LRRC3B: variants seen among roughly 807,000 people sequenced by gnomAD.
The protein encoded by LRRC3B is leucine rich repeat containing 3B, also known as leucine-rich repeat-containing protein 3B.
Under a neutral mutation model 12.8 loss-of-function variants are expected in LRRC3B, and 2 were observed. The observed-to-expected ratio is 0.16, with a 90% CI of 0.06 to 0.49. LRRC3B has a LOEUF of 0.49. Ranked by LOEUF, LRRC3B falls within the 20% of genes least tolerant of loss-of-function variation. The pLI, the probability that LRRC3B is intolerant of heterozygous loss-of-function variation, is 0.96. For missense variants in LRRC3B, 189 were observed against 319.4 expected, an observed-to-expected ratio of 0.59 and a Z score of 3.11; for synonymous variants, 132 against 122.0, an observed-to-expected ratio of 1.08 and a Z score of -0.54.
chr3:26,661,151 C>T (rs1699483807), intron 1 of LRRC3B, among the ~76,000 whole-genome samples: 1 of 152,182 alleles, frequency 6.6e-6, no homozygotes, highest in African/African-American at 2.4e-5. Flanking sequence ...AACACTTGCA[C>T]ACACACATAT....
intron 1 of LRRC3B, among the ~76,000 whole-genome samples, chr3:26,693,549 G>A (rs965672900): frequency 1.3e-5 from 2 of 152,080 alleles, no homozygotes; most frequent in African/African-American, 4.8e-5. Context: ...TACAAGATGA[G>A]GAATCATGGA....
intron 1 of LRRC3B, among the ~76,000 whole-genome samples, chr3:26,643,329 A>C (rs534558971): frequency 1.3e-5 from 2 of 152,108 alleles, no homozygotes; most frequent in Non-Finnish European, 2.9e-5. Context: ...CATATATAAA[A>C]CCATATACAC....
intron 1 of LRRC3B, among the ~76,000 whole-genome samples, chr3:26,639,585 A>T (rs1698978764): frequency 6.7e-6 from 1 of 149,798 alleles, no homozygotes; most frequent in African/African-American, 2.5e-5. Flanking sequence ...TTAGTTCCTC[A>T]GTCACACTAG....
intron 1 of LRRC3B, among the ~76,000 whole-genome samples, chr3:26,632,964 A>G (rs1698789689): frequency 6.6e-6 from 1 of 152,170 alleles, no homozygotes; most frequent in East Asian, 1.9e-4. Flanking sequence ...CCATGGTAGG[A>G]GGATTTACAC....
intron 1 of LRRC3B, among the ~76,000 whole-genome samples, chr3:26,701,893 A>G (rs1339429940): frequency 6.6e-6 from 1 of 152,186 alleles, no homozygotes; most frequent in Non-Finnish European, 1.5e-5. Context: ...ATGGTAACTA[A>G]CTTTTTAACT....
chr3:26,673,508 C>G (rs376020635), intron 1 of LRRC3B, among the ~76,000 whole-genome samples: 16 of 152,304 alleles, frequency 1.1e-4, no homozygotes, highest in African/African-American at 3.9e-4. Context: ...GAAAATTATG[C>G]AGTGCAATAA....
At chr3:26,702,647 T>G (rs1023154686) in intron 1 of LRRC3B, among the ~76,000 whole-genome samples, 1 of 152,146 alleles carries the variant, frequency 6.6e-6, no homozygotes, top group African/African-American at 2.4e-5. Flanking sequence ...TCATTAGTGC[T>G]TTTTTGACCT....
At chr3:26,700,850 C>G (rs191855824) in intron 1 of LRRC3B, among the ~76,000 whole-genome samples, 14 of 152,268 alleles carry the variant, frequency 9.2e-5, no homozygotes, top group Admixed American at 9.2e-4. Flanking sequence ...TATATAACCT[C>G]TTTAAGCCTC....
intron 1 of LRRC3B, among the ~76,000 whole-genome samples, chr3:26,666,085 G>C (rs914849803): frequency 1.3e-5 from 2 of 151,874 alleles, no homozygotes; most frequent in Non-Finnish European, 2.9e-5. Flanking sequence ...GTGAAGGAGA[G>C]AGAACCATGG....
chr3:26,675,474 A>C (rs1699838340), intron 1 of LRRC3B, among the ~76,000 whole-genome samples: 1 of 152,214 alleles, frequency 6.6e-6, no homozygotes, highest in Non-Finnish European at 1.5e-5. Flanking sequence ...GGTGGCATGG[A>C]AACAGTTAAT....
At chr3:26,626,688 A>G (rs2125396632) in intron 1 of LRRC3B, among the ~76,000 whole-genome samples, 1 of 152,348 alleles carries the variant, frequency 6.6e-6, no homozygotes, top group Non-Finnish European at 1.5e-5. Flanking sequence ...CAATCAGCAT[A>G]ACCAGAAAAA....
chr3:26,706,514 C>T (rs1187436013), intron 1 of LRRC3B, among the ~76,000 whole-genome samples: 1 of 152,184 alleles, frequency 6.6e-6, no homozygotes, highest in Non-Finnish European at 1.5e-5. Flanking sequence ...AAGGCGTGCT[C>T]TGTATTTGTA....
chr3:26,632,914 A>G (rs1446663055), intron 1 of LRRC3B, among the ~76,000 whole-genome samples: 1 of 152,080 alleles, frequency 6.6e-6, no homozygotes, highest in Admixed American at 6.6e-5. Context: ...TTTTCTCTCC[A>G]ACTCTGTGAT....
chr3:26,679,495 G>A (rs1326591820), intron 1 of LRRC3B, among the ~76,000 whole-genome samples: 1 of 152,142 alleles, frequency 6.6e-6, no homozygotes, highest in African/African-American at 2.4e-5. Flanking sequence ...TCCTTCTCCT[G>A]GAGCTCTGTA....
intron 1 of LRRC3B, among the ~76,000 whole-genome samples, chr3:26,702,196 T>C (rs142104997): frequency 7.4e-4 from 112 of 152,284 alleles, no homozygotes; most frequent in African/African-American, 2.2e-3. Flanking sequence ...TAGAAAACAG[T>C]AAATAATATA....
intron 1 of LRRC3B, among the ~76,000 whole-genome samples, chr3:26,631,418 G>A (rs533329917): frequency 6.6e-6 from 1 of 152,272 alleles, no homozygotes; most frequent in Admixed American, 6.5e-5. Flanking sequence ...CCAGTTATCA[G>A]GAAATGGCTT....
chr3:26,630,142 A>G (rs1698724836), intron 1 of LRRC3B, among the ~76,000 whole-genome samples: 5 of 152,302 alleles, frequency 3.3e-5, no homozygotes, highest in Non-Finnish European at 2.9e-5. Flanking sequence ...AGACTGAAAG[A>G]AGAGGGCTTA....
chr3:26,626,597 T>C (rs897390220), intron 1 of LRRC3B, among the ~76,000 whole-genome samples: 22 of 152,232 alleles, frequency 1.4e-4, no homozygotes, highest in Non-Finnish European at 2.8e-4. Context: ...CCTGCTGTTT[T>C]TTTAACATCT....
intron 1 of LRRC3B, among the ~76,000 whole-genome samples, chr3:26,663,769 C>T (rs1349608500): frequency 1.3e-5 from 2 of 152,094 alleles, no homozygotes; most frequent in Admixed American, 6.6e-5. Context: ...TTGCCTTATT[C>T]CTCCCTGTCA....
Sources: allele counts gnomAD v4.1 joint callset (sites outside exome capture counted in the v4.1 genomes callset), GRCh38; gene constraint gnomAD v4.1.1; transcripts MANE v1.5; gene names NCBI Gene and HGNC (gene_info 2026-07-23, HGNC 2026-07-21).